The following TNS1 variants were observed in gnomAD, a reference collection of about 807,000 sequenced individuals.
The protein encoded by TNS1 is tensin 1.
In TNS1, 62 loss-of-function variants were observed where a neutral mutation model predicts 168.6. The ratio of observed to expected loss-of-function variants is 0.37; its 90% CI spans 0.30 to 0.45. The LOEUF (loss-of-function observed/expected upper bound fraction) is 0.45. Ranked by LOEUF, TNS1 falls within the 20% of genes least tolerant of loss-of-function variation. The probability of loss-of-function intolerance (pLI) is 1.00; values close to 1 mark genes in which losing one functional copy is unlikely to be tolerated. For synonymous variants in TNS1, 934 were observed against 933.2 expected, an observed-to-expected ratio of 1.00 and a Z score of -0.02; for missense variants, 2,240 against 2,339.4, an observed-to-expected ratio of 0.96 and a Z score of 0.88.
At chr2:218,023,343 T>C (rs903228088) in intron 1 of TNS1, among the ~76,000 whole-genome samples, 5 of 152,156 alleles carry the variant, frequency 3.3e-5, no homozygotes, top group African/African-American at 1.2e-4. Flanking sequence ...TCCCCCTCTG[T>C]GAAACAGGGT....
chr2:217,893,627 C>A (rs1951980740), intron 9 of TNS1, 66 bp from the exon 10 acceptor site: 1 of 1,528,862 alleles, frequency 6.5e-7, no homozygotes, highest in Non-Finnish European at 8.8e-7. Context: ...CCAGCGGGAG[C>A]CACCTACGCC....
intron 18 of TNS1, among the ~76,000 whole-genome samples, chr2:217,869,121 T>A (rs1949542647): frequency 6.6e-6 from 1 of 152,226 alleles, no homozygotes; most frequent in African/African-American, 2.4e-5. Flanking sequence ...GCCTCAGAAC[T>A]GTCCATCAGA....
chr2:217,856,436 C>T (rs1948146968), intron 18 of TNS1, among the ~76,000 whole-genome samples: 2 of 152,318 alleles, frequency 1.3e-5, no homozygotes, highest in Admixed American at 6.5e-5. Context: ...TCCCTTCCCA[C>T]AGACAGCTGG....
In TNS1 at chr2:217,809,496, GATGGA is replaced by G. The variant is rs1940293021; in HGVS notation, c.5273+322_5273+326del. 2.7e-5 allele frequency among the ~76,000 whole-genome samples: 2 copies of G among 73,618 alleles called. 1 individual carries two copies. Among genetic ancestry groups the G allele is most frequent in the African/African-American group, 1.5e-4 (2 of 13,068 alleles). The allele number at this position is 73,618 out of a possible 152,430, so 48.3% of individuals were successfully genotyped here. On this transcript the variant is annotated intron_variant, in intron 30 of 32. Transcript: ENST00000682258. ...GGATGGATGGATGGATGGATGCATG[GATGGA>G]TGCATGGATGGATGGATGGATAGGT...
At chr2:217,922,033 G>C (rs975080670) in intron 3 of TNS1, among the ~76,000 whole-genome samples, 1 of 152,194 alleles carries the variant, frequency 6.6e-6, no homozygotes, top group Non-Finnish European at 1.5e-5. Context: ...GAGACACAGG[G>C]GGAACAGAAC....
chr2:217,882,643 TCTAA>T (rs1468832671), intron 16 of TNS1, among the ~76,000 whole-genome samples: 6 of 152,174 alleles, frequency 3.9e-5, no homozygotes, highest in African/African-American at 7.2e-5. Flanking sequence ...GGTCACTGAT[TCTAA>T]CTATTTCTAT....
chr2:217,957,218 G>T (rs1308873466), intron 3 of TNS1, among the ~76,000 whole-genome samples: 2 of 152,098 alleles, frequency 1.3e-5, no homozygotes, highest in Non-Finnish European at 1.5e-5. Flanking sequence ...GAGCCAGCCA[G>T]GCAGCCTTAC....
intron 3 of TNS1, among the ~76,000 whole-genome samples, chr2:217,976,727 A>G (rs1455427664): frequency 1.3e-5 from 2 of 152,218 alleles, no homozygotes; most frequent in Admixed American, 6.5e-5. Context: ...GCCATCTGTC[A>G]TATCTTTCTG....
At chr2:217,895,664 T>C (rs755825451) in intron 8 of TNS1, among the ~76,000 whole-genome samples, 2 of 152,156 alleles carry the variant, frequency 1.3e-5, no homozygotes, top group Non-Finnish European at 1.5e-5. Context: ...AATCAGACCC[T>C]TGACATACCT....
chr2:217,938,537 C>T (rs1374832214), intron 3 of TNS1, among the ~76,000 whole-genome samples: 1 of 152,178 alleles, frequency 6.6e-6, no homozygotes, highest in Non-Finnish European at 1.5e-5. Flanking sequence ...TTTGGGGGGA[C>T]CTAGAGGGCA....
chr2:218,002,566 A>T (rs1958584948), intron 1 of TNS1, among the ~76,000 whole-genome samples: 1 of 123,402 alleles, frequency 8.1e-6, no homozygotes, highest in African/African-American at 3.1e-5. Context: ...CCTTCCACTT[A>T]CAGCTCTGGG....
At chr2:217,826,634 T>A (rs917590437) in intron 22 of TNS1, among the ~76,000 whole-genome samples, 2 of 152,168 alleles carry the variant, frequency 1.3e-5, no homozygotes, top group Non-Finnish European at 2.9e-5. Flanking sequence ...ATCCCTGCCT[T>A]CCTCCACTCC....
intron 3 of TNS1, among the ~76,000 whole-genome samples, chr2:217,925,183 C>T (rs1395488905): frequency 6.6e-6 from 1 of 152,168 alleles, no homozygotes; most frequent in African/African-American, 2.4e-5. Flanking sequence ...ACATGTTTCT[C>T]AAACCAAACC....
At chr2:217,808,873 T>A (rs1939787218) in intron 30 of TNS1, among the ~76,000 whole-genome samples, 2 of 151,896 alleles carry the variant, frequency 1.3e-5, no homozygotes, top group African/African-American at 2.4e-5. Context: ...CATAGAATCA[T>A]CCCAAATGCT....
At chr2:217,980,803 T>C (rs1259710569) in intron 2 of TNS1, among the ~76,000 whole-genome samples, 1 of 152,094 alleles carries the variant, frequency 6.6e-6, no homozygotes, top group Non-Finnish European at 1.5e-5. Context: ...GCTCTGCCAG[T>C]TCCCAGAGTG....
At chr2:218,020,376 C>T (rs1958797067) in intron 1 of TNS1, among the ~76,000 whole-genome samples, 1 of 152,074 alleles carries the variant, frequency 6.6e-6, no homozygotes, top group South Asian at 2.1e-4. Flanking sequence ...CTTGCAGTCC[C>T]GTCCCTAGGA....
chr2:218,014,921 A>AAGGAAGGAAGGAAGGAAGGC (rs1260656732), upstream of TNS1, among the ~76,000 whole-genome samples: 12 of 76,304 alleles, frequency 1.6e-4, no homozygotes, highest in Admixed American at 5.2e-4. Flanking sequence ...GGAAGGAAGG[A>AAGGAAGGAAGGAAGGAAGGC]AGGCAGGCAG....
chr2:218,017,874 CA>C lies in TNS1; in HGVS notation c.156+15945del, dbSNP rs201430071. On this transcript the variant is annotated intron_variant, in intron 1 of 1. Coordinates refer to the TNS1 transcript ENST00000649572. ...CACTGCCCACCCCACACCCACTAGA[CA>C]GACGCTCCCCGCCAGAGCCCTCAGC... 8.6e-3 allele frequency among the ~76,000 whole-genome samples: 1,309 copies of C among 152,310 alleles called. 11 individuals are homozygous for C. The highest frequency in any genetic ancestry group is 0.014 in the Non-Finnish European group (975 of 68,022).
At chr2:218,010,461 G>C (rs1317557870), upstream of TNS1, 2 of 350,852 alleles carry the variant, frequency 5.7e-6, no homozygotes, top group Non-Finnish European at 5.1e-6. Flanking sequence ...GCAGCAGGGG[G>C]CTTACACCCT....
Sources: allele counts gnomAD v4.1 joint callset (sites outside exome capture counted in the v4.1 genomes callset), GRCh38; gene constraint gnomAD v4.1.1; transcripts MANE v1.5; gene names NCBI Gene and HGNC (gene_info 2026-07-23, HGNC 2026-07-21).